The following C12orf56 variants were observed in gnomAD, a reference collection of about 807,000 sequenced individuals.
C12orf56 encodes the protein uncharacterized protein C12orf56.
A neutral mutation model predicts 69.9 loss-of-function variants in C12orf56; 71 were observed. That is an observed-to-expected ratio of 1.02 (90% CI 0.84 to 1.24). The LOEUF is 1.24. Among genes scored for constraint, C12orf56 ranks in the 50% most tolerant of loss-of-function variants. C12orf56 has a pLI of 0.00. For synonymous variants in C12orf56, 276 were observed against 274.1 expected, an observed-to-expected ratio of 1.01 and a Z score of -0.07; for missense variants, 732 against 738.5, an observed-to-expected ratio of 0.99 and a Z score of 0.10.
intron 4 of C12orf56, among the ~76,000 whole-genome samples, chr12:64,313,270 A>T (rs868306739): frequency 3.0e-4 from 10 of 33,186 alleles, no homozygotes; most frequent in African/African-American, 9.7e-4. Flanking sequence ...TCAAAAAAAA[A>T]AAAAAAAGAA....
chr12:64,349,615 GCCC>G (rs775830003), intron 2 of C12orf56, among the ~76,000 whole-genome samples: 3 of 152,302 alleles, frequency 2.0e-5, no homozygotes, highest in East Asian at 3.9e-4. Flanking sequence ...CAACCCAAAT[GCCC>G]ATCAATCAAT....
In C12orf56 at chr12:64,266,658, C is replaced by A; in HGVS notation, c.*525G>T. ...TCGGGTGAAGAGCATGCTCCTGTGC[C>A]TGGCATGGTTTCACCGAGAACACTG... On this transcript the variant is annotated 3_prime_UTR_variant, in exon 13 of 13. Transcript: ENST00000543942. 1.1e-6 allele frequency: 1 copy of A among 886,498 alleles called. No individual in the cohort carries two copies. The highest frequency in any genetic ancestry group is 1.5e-6 in the Non-Finnish European group (1 of 653,516). The allele number at this position is 886,498 out of a possible 1,614,324, so 54.9% of individuals were successfully genotyped here. A position where few individuals can be genotyped will look rare whatever the true frequency, so the allele number is the denominator to read the frequency against.
intron 9 of C12orf56, among the ~76,000 whole-genome samples, chr12:64,276,008 C>CT (rs990513345): frequency 2.6e-5 from 4 of 151,708 alleles, no homozygotes; most frequent in Non-Finnish European, 5.9e-5. Flanking sequence ...CACACCCCCC[C>CT]CCGCGAGTTG....
At chr12:64,285,554 G>C (rs910310267) in intron 7 of C12orf56, among the ~76,000 whole-genome samples, 7 of 152,276 alleles carry the variant, frequency 4.6e-5, no homozygotes, top group Middle Eastern at 6.8e-3. Context: ...TTGGAAGGCT[G>C]AGATGGATGG....
At chr12:64,387,059 CAG>C (rs1454646800) in intron 1 of C12orf56, among the ~76,000 whole-genome samples, 2 of 97,230 alleles carry the variant, frequency 2.1e-5, no homozygotes, top group African/African-American at 4.4e-5. Flanking sequence ...GCCTGGGTAA[CAG>C]AGCGAGACTC....
intron 7 of C12orf56, among the ~76,000 whole-genome samples, chr12:64,285,137 T>C (rs140612948): frequency 1.7e-3 from 251 of 150,128 alleles, no homozygotes; most frequent in African/African-American, 5.4e-3. Context: ...CAGTGAGCCA[T>C]GATCACACCA....
chr12:64,352,170 A>G (rs1330401206), intron 2 of C12orf56: 1 of 151,448 alleles, frequency 6.6e-6, no homozygotes, highest in Non-Finnish European at 1.5e-5. Context: ...GCAAACAAGT[A>G]AAAGACCTCA....
At chr12:64,349,376 G>A (rs2039191298) in intron 2 of C12orf56, among the ~76,000 whole-genome samples, 1 of 152,166 alleles carries the variant, frequency 6.6e-6, no homozygotes, top group African/African-American at 2.4e-5. Flanking sequence ...ATGCTGGCAT[G>A]GATGCAGTGA....
At position 64,274,891 on chromosome 12, in the gene C12orf56, A is replaced by C. The variant is rs1404089514; in HGVS notation, c.1584+10T>G. ...TGGGGGTGATTTCGTTTTGACTTCTAGATACTTACGATGGGAGGACAGCTT... is the reference window on the plus strand; with the variant it reads ...TGGGGGTGATTTCGTTTTGACTTCTCGATACTTACGATGGGAGGACAGCTT... On this transcript the variant is annotated intron_variant, in intron 11 of 12. Coordinates refer to ENST00000543942, the MANE Select transcript of C12orf56 (RefSeq NM_001170633.2). 4 of 1,596,508 alleles carry C rather than the reference A, an allele frequency of 2.5e-6. No homozygotes were observed. The Admixed American group carries it at 6.7e-5, about 27-fold the overall frequency.
rs2039858673 is a variant in C12orf56 at position 64,390,681 on chromosome 12, C to T, written c.-116G>A. The T allele has an allele frequency of 7.5e-7, 1 of 1,341,716 alleles. No individual in the cohort carries two copies. Among genetic ancestry groups the T allele is most frequent in the Non-Finnish European group, 9.6e-7 (1 of 1,045,842 alleles). 83.1% of individuals were successfully genotyped at this position (1,341,716 alleles called of 1,614,324 possible). ...AGCCGCCGGCCACGCGTCGCCTCCT[C>T]TCCAGGCGCGGGGACCCGGGCCGCA... On this transcript the variant is annotated 5_prime_UTR_variant, in exon 1 of 13. Coordinates refer to ENST00000543942, the MANE Select transcript of C12orf56 (RefSeq NM_001170633.2).
intron 1 of C12orf56, among the ~76,000 whole-genome samples, chr12:64,369,856 G>A (rs181479691): frequency 1.3e-5 from 2 of 151,608 alleles, no homozygotes; most frequent in African/African-American, 2.4e-5. Context: ...GGTGATGCAC[G>A]CCTATAATCC....
chr12:64,344,534 C>T (rs746201250), intron 2 of C12orf56, among the ~76,000 whole-genome samples: 1 of 152,190 alleles, frequency 6.6e-6, no homozygotes, highest in Non-Finnish European at 1.5e-5. Flanking sequence ...GGTAACTATG[C>T]CCACCTTGCC....
intron 6 of C12orf56, among the ~76,000 whole-genome samples, chr12:64,287,482 A>G (rs1308357426): frequency 2.3e-5 from 2 of 88,474 alleles, no homozygotes; most frequent in South Asian, 5.8e-4. Flanking sequence ...ATATCTCCCA[A>G]TGCTATCCCT....
intron 5 of C12orf56, among the ~76,000 whole-genome samples, chr12:64,308,939 A>G (rs10676208): frequency 0.032 from 838 of 26,228 alleles, 2 homozygotes; most frequent in Non-Finnish European, 0.052. Flanking sequence ...AAAGAAAGAA[A>G]GAAGAAAGAA....
chr12:64,390,232 G>T lies in C12orf56; in HGVS notation c.252+82C>A, dbSNP rs1023898113. On this transcript the variant is annotated intron_variant, in intron 1 of 12. Transcript: ENST00000543942. ...AGGGCAGGATGGGGCAGCCCTCCCC[G>T]CGCAGGAGGGCTGGGTTTGGGGGCC... 3 of 1,461,898 alleles carry T rather than the reference G, an allele frequency of 2.1e-6. No individual in the cohort carries two copies. In the Admixed American group the frequency reaches 7.2e-5, roughly 35 times the overall value. The allele number at this position is 1,461,898 out of a possible 1,614,324, so 90.6% of individuals were successfully genotyped here.
At chr12:64,386,896 T>G (rs1033185018) in intron 1 of C12orf56, among the ~76,000 whole-genome samples, 5 of 151,240 alleles carry the variant, frequency 3.3e-5, no homozygotes, top group Non-Finnish European at 7.4e-5. Context: ...CTGACCAACA[T>G]GGCGACACCC....
chr12:64,367,942 G>C (rs2135969563), intron 1 of C12orf56, among the ~76,000 whole-genome samples: 1 of 150,378 alleles, frequency 6.6e-6, no homozygotes. Flanking sequence ...GGAGTAGCTG[G>C]GATTACAGGT....
chr12:64,330,403 T>G (rs2038914188), intron 3 of C12orf56, among the ~76,000 whole-genome samples: 1 of 152,308 alleles, frequency 6.6e-6, no homozygotes, highest in Non-Finnish European at 1.5e-5. Flanking sequence ...TTCCTCCAAC[T>G]GCAGTGTCCC....
chr12:64,356,025 G>A (rs1194615268), intron 1 of C12orf56, among the ~76,000 whole-genome samples: 1 of 152,082 alleles, frequency 6.6e-6, no homozygotes, highest in African/African-American at 2.4e-5. Flanking sequence ...TTAGCCAGGT[G>A]TGGTGGTGTG....
Sources: allele counts gnomAD v4.1 joint callset (sites outside exome capture counted in the v4.1 genomes callset), GRCh38; gene constraint gnomAD v4.1.1; transcripts MANE v1.5; gene names NCBI Gene and HGNC (gene_info 2026-07-23, HGNC 2026-07-21).